MAP3K20: variants seen among roughly 807,000 people sequenced by gnomAD.
MAP3K20 encodes the protein HCCS-4.
A neutral mutation model predicts 85.7 loss-of-function variants in MAP3K20; 40 were observed. That is an observed-to-expected ratio of 0.47 (90% confidence interval 0.36 to 0.61). The LOEUF (loss-of-function observed/expected upper bound fraction) is 0.61. Ranked by LOEUF, MAP3K20 falls within the 20% of genes least tolerant of loss-of-function variation. The pLI, the probability that MAP3K20 is intolerant of heterozygous loss-of-function variation, is 0.00. For missense variants in MAP3K20, 817 were observed against 961.7 expected (o/e 0.85, Z 1.99); for synonymous variants, 325 against 327.7 (o/e 0.99, Z 0.09).
At chr2:173,147,709 C>T (rs1377347787) in intron 2 of MAP3K20, among the ~76,000 whole-genome samples, 1 of 152,160 alleles carries the variant, frequency 6.6e-6, no homozygotes, top group Non-Finnish European at 1.5e-5. Context: ...GCCTCGGCCT[C>T]CTGAGTAGCT....
intron 2 of MAP3K20, among the ~76,000 whole-genome samples, chr2:173,101,271 C>T (rs978342004): frequency 6.6e-6 from 1 of 152,050 alleles, no homozygotes; most frequent in African/African-American, 2.4e-5. Context: ...AAGCCAAAGC[C>T]CCTAATCCTT....
chr2:173,266,303 C>G lies in MAP3K20; in HGVS notation c.1956C>G (p.Leu652=). ...GLTKNFSSLH[L]NSRDSGFSSG... is the part of the protein sequence containing the mutation. ...CCAAAAACTTCTCTTCCCTACATCT[C>G]AACTCTAGGGACAGTGGCTTTTCCA... is the stretch of plus-strand genomic sequence containing the variant. Residue 652 remains leucine (L), a synonymous_variant, in exon 20 of 20, where the codon CTC becomes CTG. Coordinates refer to ENST00000375213, the MANE Select transcript of MAP3K20 (RefSeq NM_016653.3). The G allele has an allele frequency of 6.2e-7, 1 of 1,614,102 alleles. No individual in the cohort carries two copies. Among genetic ancestry groups the G allele is most frequent in the East Asian group, 2.2e-5 (1 of 44,884 alleles).
chr2:173,203,014 T>TA (rs1184208978), intron 8 of MAP3K20, among the ~76,000 whole-genome samples: 3 of 152,330 alleles, frequency 2.0e-5, no homozygotes, highest in African/African-American at 7.2e-5. Flanking sequence ...TGAATGTAAA[T>TA]GGGGCATTTG....
intron 16 of MAP3K20, among the ~76,000 whole-genome samples, chr2:173,243,874 C>T (rs1193081467): frequency 6.6e-6 from 1 of 152,164 alleles, no homozygotes; most frequent in Non-Finnish European, 1.5e-5. Context: ...GATCCGCCCG[C>T]CTCGGCCTCC....
At chr2:173,200,972 G>A (rs548946294) in intron 8 of MAP3K20, among the ~76,000 whole-genome samples, 26 of 152,188 alleles carry the variant, frequency 1.7e-4, no homozygotes, top group Non-Finnish European at 3.4e-4. Context: ...AGAAATTTGT[G>A]TACTCTTCAC....
At chr2:173,089,477 C>A (rs114385594) in intron 1 of MAP3K20, among the ~76,000 whole-genome samples, 2,368 of 152,208 alleles carry the variant, frequency 0.016, 60 homozygotes, top group African/African-American at 0.054. Context: ...AAAATAATAT[C>A]ATCTAATTTA....
intron 16 of MAP3K20, among the ~76,000 whole-genome samples, chr2:173,248,301 G>A (rs1684967465): frequency 6.6e-6 from 1 of 152,132 alleles, no homozygotes; most frequent in Non-Finnish European, 1.5e-5. Context: ...TGGGAGGGTA[G>A]GGTTGAGCCC....
At chr2:173,157,286 A>G (rs1331126323) in intron 2 of MAP3K20, among the ~76,000 whole-genome samples, 1 of 151,402 alleles carries the variant, frequency 6.6e-6, no homozygotes, top group Non-Finnish European at 1.5e-5. Flanking sequence ...CTATGATTCC[A>G]GATTATCTTT....
chr2:173,220,067 C>CAGAAAAAAAAAAA (rs1684196145), intron 11 of MAP3K20, among the ~76,000 whole-genome samples: 1 of 114,236 alleles, frequency 8.8e-6, no homozygotes, highest in Non-Finnish European at 1.7e-5. Flanking sequence ...GACTCTGTCT[C>CAGAAAAAAAAAAA]AAAAAAAAAA....
intron 2 of MAP3K20, among the ~76,000 whole-genome samples, chr2:173,153,180 A>G (rs1369279266): frequency 6.6e-6 from 1 of 152,094 alleles, no homozygotes; most frequent in East Asian, 1.9e-4. Flanking sequence ...CGATTTACCT[A>G]CCCTTCAACA....
At chr2:173,252,269 T>C (rs1330499469) in intron 16 of MAP3K20, among the ~76,000 whole-genome samples, 2 of 152,246 alleles carry the variant, frequency 1.3e-5, no homozygotes, top group Non-Finnish European at 2.9e-5. Context: ...AAAGAGATAC[T>C]TAATTTAGCA....
At chr2:173,219,302 T>G (rs1171746781) in intron 11 of MAP3K20, among the ~76,000 whole-genome samples, 1 of 152,248 alleles carries the variant, frequency 6.6e-6, no homozygotes, top group African/African-American at 2.4e-5. Context: ...TTGAATTAAT[T>G]TCAAGGGCAC....
In MAP3K20 at chr2:173,239,469, T is replaced by C; in HGVS notation, c.1332T>C (p.Phe444=). The change falls in exon 16 of 20, where the codon TTT becomes TTC. Residue 444 remains phenylalanine, a synonymous_variant. Coordinates refer to ENST00000375213, the MANE Select transcript of MAP3K20 (RefSeq NM_016653.3). The part of the protein sequence containing the change: ...KIVNLELVFG[F]HLKPGTGPQD... ...TGAACCTGGAACTGGTTTTTGGTTTTCACTTGAAACCAGGAACTGGCCCAC... is the reference window on the plus strand; with the variant it reads ...TGAACCTGGAACTGGTTTTTGGTTTCCACTTGAAACCAGGAACTGGCCCAC... 6.2e-7 allele frequency: 1 copy of C among 1,613,638 alleles called. No homozygotes were observed. Among genetic ancestry groups the C allele is most frequent in the Non-Finnish European group, 8.5e-7 (1 of 1,179,912 alleles).
intron 11 of MAP3K20, chr2:173,222,212 C>CA (rs35570890): frequency 0.51 from 495,834 of 980,498 alleles, 129,390 homozygotes; most frequent in Non-Finnish European, 0.54. Flanking sequence ...TCTCAAAAAA[C>CA]AAAAAAAAGA....
chr2:173,129,043 C>A (rs112656790), intron 2 of MAP3K20, among the ~76,000 whole-genome samples: 217 of 151,168 alleles, frequency 1.4e-3, no homozygotes, highest in African/African-American at 5.1e-3. Context: ...CCTGCCTCAG[C>A]CTCCCGAGTA....
At chr2:173,190,769 T>G in intron 5 of MAP3K20, 126 bp from the exon 6 acceptor site, 1 of 918,488 alleles carries the variant, frequency 1.1e-6, no homozygotes, top group Non-Finnish European at 1.6e-6. Context: ...ATGCTGTAAA[T>G]ACATTGATTT....
chr2:173,154,617 T>G (rs1402219334), intron 2 of MAP3K20, among the ~76,000 whole-genome samples: 2 of 152,240 alleles, frequency 1.3e-5, no homozygotes, highest in African/African-American at 4.8e-5. Flanking sequence ...CTTTTATTTT[T>G]CCCATAATAG....
chr2:173,124,813 A>G (rs76751304), intron 2 of MAP3K20, among the ~76,000 whole-genome samples: 5,334 of 152,258 alleles, frequency 0.035, 340 homozygotes, highest in African/African-American at 0.12. Context: ...CCATGCCTCT[A>G]TTAAGAAAGC....
At chr2:173,093,079 C>A (rs139298480) in intron 2 of MAP3K20, among the ~76,000 whole-genome samples, 1 of 152,140 alleles carries the variant, frequency 6.6e-6, no homozygotes, top group Non-Finnish European at 1.5e-5. Context: ...TGGCAAAGAA[C>A]CCCTATTTGT....
Sources: gnomAD v4.1 joint callset for allele counts (sites outside exome capture counted in the v4.1 genomes callset) on GRCh38, gnomAD v4.1.1 for gene constraint, MANE v1.5 for transcripts, NCBI Gene and HGNC (gene_info 2026-07-23, HGNC 2026-07-21) for gene names.